PLEKHF1: variants seen among roughly 807,000 people sequenced by gnomAD.
PLEKHF1 encodes the protein pleckstrin homology and FYVE domain containing 1, also known as pleckstrin homology domain-containing family F member 1.
In PLEKHF1, 1 loss-of-function variant was observed where a neutral mutation model predicts 4.1. The observed-to-expected ratio is 0.24, with a 90% confidence interval of 0.09 to 1.15. The LOEUF is 1.15. PLEKHF1 is among the 50% of genes most tolerant of loss of function. The probability of loss-of-function intolerance (pLI) is 0.52; values close to 1 mark genes in which losing one functional copy is unlikely to be tolerated. For synonymous variants in PLEKHF1, 182 were observed against 178.5 expected, an observed-to-expected ratio of 1.02 and a Z score of -0.16; for missense variants, 429 against 400.6, an observed-to-expected ratio of 1.07 and a Z score of -0.60.
chr19:29,670,830 A>C (rs1453190943), intron 1 of PLEKHF1, among the ~76,000 whole-genome samples: 1 of 151,976 alleles, frequency 6.6e-6, no homozygotes, highest in Non-Finnish European at 1.5e-5. Context: ...GGCGCTCGCC[A>C]CCACACCAGG....
Position 29,671,261 on chromosome 19 carries a change from G to A in PLEKHF1, c.-16-2563G>A, listed in dbSNP as rs185190141. On this transcript the variant is annotated intron_variant, in intron 1 of 1. Coordinates refer to ENST00000436066, the MANE Select transcript of PLEKHF1 (RefSeq NM_024310.5). The surrounding 1 kb of genome is among the most constrained non-coding windows in gnomAD (Gnocchi z 4.0). ...ATTACAGGTGTGAGGCACTGTGTCC[G>A]GCCTTCCTCCTACCTATTTTTATTC... 3.9e-5 allele frequency among the ~76,000 whole-genome samples: 6 copies of A among 152,094 alleles called. No individual in the cohort carries two copies. The highest frequency in any genetic ancestry group is 1.3e-4 in the Admixed American group (2 of 15,260).
intron 1 of PLEKHF1, among the ~76,000 whole-genome samples, chr19:29,668,304 C>T (rs979733027): frequency 6.6e-6 from 1 of 152,216 alleles, no homozygotes; most frequent in Non-Finnish European, 1.5e-5. Flanking sequence ...CCAGGAAGCT[C>T]TGTCACCAAC....
At chr19:29,672,158 A>G (rs1971637345) in intron 1 of PLEKHF1, among the ~76,000 whole-genome samples, 1 of 152,164 alleles carries the variant, frequency 6.6e-6, no homozygotes, top group Non-Finnish European at 1.5e-5. Flanking sequence ...AAATCCCACA[A>G]AGAAAAACGA....
At chr19:29,667,537 C>T (rs544455369) in intron 1 of PLEKHF1, among the ~76,000 whole-genome samples, 5 of 152,262 alleles carry the variant, frequency 3.3e-5, no homozygotes, top group African/African-American at 1.2e-4. Context: ...GCTGAGCTGC[C>T]CCCAGAACTC....
rs544776198 is a variant in PLEKHF1, at chr19:29,674,386, T to G, written c.547T>G (p.Cys183Gly). Reference protein sequence around the residue: ...HHCRKCGFVVCAECSRQRFLL... With the variant: ...HHCRKCGFVVGAECSRQRFLL... The stretch of plus-strand genomic sequence containing the variant: ...CTGCCGCAAGTGCGGCTTCGTGGTC[T>G]GCGCTGAGTGCTCGCGCCAGCGCTT... Residue 183 changes from cysteine (C) to glycine (G), a missense_variant, in exon 2 of 2, where the codon TGC (cysteine) becomes GGC (glycine). Cys to Gly is a radical substitution (Grantham distance 159). Coordinates refer to ENST00000436066, the MANE Select transcript of PLEKHF1 (RefSeq NM_024310.5). 2.0e-5 allele frequency: 31 copies of G among 1,532,634 alleles called. No individual in the cohort carries two copies. In the African/African-American group the frequency reaches 3.3e-4, roughly 16 times the overall value. The allele number at this position is 1,532,634 out of a possible 1,614,324, so 94.9% of individuals were successfully genotyped here. A position where few individuals can be genotyped will look rare whatever the true frequency, so the allele number is the denominator to read the frequency against.
At chr19:29,666,564 T>C (rs1971571939) in intron 1 of PLEKHF1, among the ~76,000 whole-genome samples, 1 of 151,580 alleles carries the variant, frequency 6.6e-6, no homozygotes, top group Non-Finnish European at 1.5e-5. Context: ...ACGGACCTGC[T>C]CGGGATGGGG....
chr19:29,669,995 G>A (rs1971612171), intron 1 of PLEKHF1, among the ~76,000 whole-genome samples: 1 of 152,098 alleles, frequency 6.6e-6, no homozygotes, highest in African/African-American at 2.4e-5. Flanking sequence ...GCAGTGGTGT[G>A]ATCTTGGCTC....
intron 1 of PLEKHF1, chr19:29,666,934 G>C (rs1971576031): frequency 6.6e-6 from 1 of 152,232 alleles, no homozygotes; most frequent in Admixed American, 6.5e-5. Flanking sequence ...GCCCAGGGGC[G>C]GCCCCTCTGG....
At position 29,675,011 on chromosome 19, in the gene PLEKHF1, A is replaced by G. The variant is rs1367794832; in HGVS notation, c.*332A>G. The G allele has an allele frequency of 1.3e-5, 4 of 302,048 alleles. No homozygotes were observed. In the East Asian group the frequency reaches 2.5e-4, roughly 19 times the overall value. The allele number at this position is 302,048 out of a possible 1,614,324, so 18.7% of individuals were successfully genotyped here. A position where few individuals can be genotyped will look rare whatever the true frequency, so the allele number is the denominator to read the frequency against. ...AGGTCTCCAGACATCTAGGGACCAG[A>G]GCAGGTTTGGGAACACAGAGGGAAG... On this transcript the variant is annotated 3_prime_UTR_variant, in exon 2 of 2. Coordinates refer to ENST00000436066, the MANE Select transcript of PLEKHF1 (RefSeq NM_024310.5).
intron 1 of PLEKHF1, among the ~76,000 whole-genome samples, chr19:29,668,455 C>T (rs1340874935): frequency 6.6e-6 from 1 of 151,630 alleles, no homozygotes; most frequent in African/African-American, 2.4e-5. Context: ...CTCAGTGGCT[C>T]ATACCTGCTA....
rs1971665830 is a variant in PLEKHF1, at chr19:29,674,111, C to G, written c.272C>G (p.Pro91Arg). 2 of 1,613,834 alleles carry G rather than the reference C, an allele frequency of 1.2e-6. No individual in the cohort carries two copies. The highest frequency in any genetic ancestry group is 1.7e-6 in the Non-Finnish European group (2 of 1,180,020). ...GAGGAGGTCACACTGGAGCTGTTGC[C>G]GGAGACGCTGCAGGCCAAGAACCGC... ...PLEEVTLELL[P>R]ETLQAKNRWM... is the part of the protein sequence containing the mutation. Residue 91 changes from proline (P) to arginine (R), a missense_variant, in exon 2 of 2, where the codon CCG becomes CGG. Transcript: ENST00000436066.
intron 1 of PLEKHF1, 75 bp from the exon 2 acceptor site, chr19:29,673,749 T>C (rs1291709369): frequency 7.8e-6 from 12 of 1,533,062 alleles, no homozygotes; most frequent in Non-Finnish European, 1.1e-5. Flanking sequence ...GGTTAGTCAG[T>C]TGGGGGTGGG....
Position 29,674,268 on chromosome 19 carries a change from G to A in PLEKHF1, c.429G>A (p.Thr143=), listed in dbSNP as rs755526498. The change falls in exon 2 of 2, where the codon ACG becomes ACA. Residue 143 remains threonine, a synonymous_variant. Transcript: ENST00000436066. The part of the protein sequence containing the change: ...QLRATGRPPS[T]EHAAPWIPDK... ...GGGCCACGGGCCGCCCGCCCAGCACGGAGCACGCGGCACCCTGGATCCCCG... is the reference window on the plus strand; with the variant it reads ...GGGCCACGGGCCGCCCGCCCAGCACAGAGCACGCGGCACCCTGGATCCCCG... 9.4e-6 allele frequency: 15 copies of A among 1,602,718 alleles called. No homozygotes were observed. The highest frequency in any genetic ancestry group is 1.1e-5 in the Non-Finnish European group (13 of 1,178,044).
chr19:29,669,212 A>T (rs1303269436), intron 1 of PLEKHF1, among the ~76,000 whole-genome samples: 1 of 152,036 alleles, frequency 6.6e-6, no homozygotes, highest in Non-Finnish European at 1.5e-5. Flanking sequence ...TGGATTGGGC[A>T]CCCCTGCCTG....
chr19:29,674,381 T>A lies in PLEKHF1; in HGVS notation c.542T>A (p.Val181Glu). 2 of 1,534,810 alleles carry A rather than the reference T, an allele frequency of 1.3e-6. No individual in the cohort carries two copies. Among genetic ancestry groups the A allele is most frequent in the Non-Finnish European group, 1.7e-6 (2 of 1,144,636 alleles). ...RRHHCRKCGF[V>E]VCAECSRQRF... ...CACCACTGCCGCAAGTGCGGCTTCG[T>A]GGTCTGCGCTGAGTGCTCGCGCCAG... is the stretch of plus-strand genomic sequence containing the variant. The change falls in exon 2 of 2, where the codon GTG (valine) becomes GAG (glutamate). Residue 181 changes from valine to glutamate, a missense_variant. Coordinates refer to ENST00000436066, the MANE Select transcript of PLEKHF1 (RefSeq NM_024310.5).
At chr19:29,668,240 A>G (rs1971591694) in intron 1 of PLEKHF1, among the ~76,000 whole-genome samples, 1 of 152,146 alleles carries the variant, frequency 6.6e-6, no homozygotes, top group South Asian at 2.1e-4. Context: ...CCCCTCTACC[A>G]GCAGCCCTGG....
At chr19:29,673,539 G>A (rs562105600) in intron 1 of PLEKHF1, among the ~76,000 whole-genome samples, 9 of 152,104 alleles carry the variant, frequency 5.9e-5, no homozygotes, top group Non-Finnish European at 1.0e-4. Context: ...ATGAACCGCT[G>A]CACCTGGCCT....
chr19:29,671,833 A>G lies in PLEKHF1; in HGVS notation c.-16-1991A>G, dbSNP rs1971634457. Among the ~76,000 whole-genome samples, 1 of 152,008 alleles carries G rather than the reference A, an allele frequency of 6.6e-6. No homozygotes were observed. Among genetic ancestry groups the G allele is most frequent in the South Asian group, 2.1e-4 (1 of 4,798 alleles). On this transcript the variant is annotated intron_variant, in intron 1 of 1. Coordinates refer to ENST00000436066, the MANE Select transcript of PLEKHF1 (RefSeq NM_024310.5). The surrounding 1 kb of genome is among the most constrained non-coding windows in gnomAD (Gnocchi z 4.0). Reference sequence around the variant, plus strand: ...AGAACTGCAGCTCAGTGACCCAGAAACACTATGGGTGTGATCAGCTCAGCC... The same window carrying G: ...AGAACTGCAGCTCAGTGACCCAGAAGCACTATGGGTGTGATCAGCTCAGCC...
Position 29,667,491 on chromosome 19 carries a change from G to A in PLEKHF1, c.-17+1986G>A, listed in dbSNP as rs545119774. Among the ~76,000 whole-genome samples, 14 of 152,302 alleles carry A rather than the reference G, an allele frequency of 9.2e-5. No homozygotes were observed. The East Asian group carries it at 2.7e-3, about 29-fold the overall frequency. ...GGCCCAGGTCCCTGCAGGGAAGGAG[G>A]AGCCCCGATCTGGAAGTCAAGGGAA... On this transcript the variant is annotated intron_variant, in intron 1 of 1. Coordinates refer to ENST00000436066, the MANE Select transcript of PLEKHF1 (RefSeq NM_024310.5).
Sources: gnomAD v4.1 joint callset for allele counts (sites outside exome capture counted in the v4.1 genomes callset) on GRCh38, gnomAD v4.1.1 for gene constraint, Gnocchi (gnomAD v3.1) non-coding constraint, MANE v1.5 for transcripts, NCBI Gene and HGNC (gene_info 2026-07-23, HGNC 2026-07-21) for gene names.